The following TXNRD3 variants were observed in gnomAD, a reference collection of about 807,000 sequenced individuals.
The protein encoded by TXNRD3 is TXNRD3 neighbor gene protein.
A neutral mutation model predicts 78.2 loss-of-function variants in TXNRD3; 68 were observed. That is an observed-to-expected ratio of 0.87 (90% CI 0.72 to 1.06). The LOEUF is 1.06. Ranked by LOEUF, TXNRD3 falls within the 50% of genes least tolerant of loss-of-function variation. The pLI is 0.00. For missense variants in TXNRD3, 751 were observed against 809.5 expected (o/e 0.93, Z 0.88); for synonymous variants, 296 against 300.1 (o/e 0.99, Z 0.14).
intron 6 of TXNRD3, 55 bp downstream of exon 6, chr3:126,641,976 CT>C (rs1026476937): frequency 6.9e-7 from 1 of 1,459,258 alleles, no homozygotes; most frequent in African/African-American, 1.4e-5. Flanking sequence ...AAGTCTTTAT[CT>C]AAAAAACTCA....
intron 6 of TXNRD3, among the ~76,000 whole-genome samples, chr3:126,635,384 C>T (rs578138705): frequency 2.0e-4 from 31 of 152,244 alleles, no homozygotes; most frequent in African/African-American, 7.0e-4. Context: ...AGAACCTGTA[C>T]AGTTAAAAAG....
In TXNRD3 at chr3:126,615,467, A is replaced by C; in HGVS notation, c.1525-5T>G. The C allele has an allele frequency of 7.2e-7, 1 of 1,392,756 alleles. No homozygotes were observed. Among genetic ancestry groups the C allele is most frequent in the Non-Finnish European group, 9.6e-7 (1 of 1,042,686 alleles). The allele number at this position is 1,392,756 out of a possible 1,614,324, so 86.3% of individuals were successfully genotyped here. On this transcript the variant is annotated splice_polypyrimidine_tract_variant and splice_region_variant and intron_variant, in intron 12 of 15. Coordinates refer to ENST00000524230, the MANE Select transcript of TXNRD3 (RefSeq NM_052883.3). ...CGGAACATTAATATAATCACACTGA[A>C]AGACAAACAAATTACATTGTCTTAT...
chr3:126,607,227 T>C lies in TXNRD3; in HGVS notation c.*678A>G, dbSNP rs1319129553. On this transcript the variant is annotated 3_prime_UTR_variant, in exon 16 of 16. Coordinates refer to ENST00000524230, the MANE Select transcript of TXNRD3 (RefSeq NM_052883.3). ...TTTTATCTTACATGAGATATTTTGCTCAGTCTCGAGATATTAATTAGGGGA... is the reference window on the plus strand; with the variant it reads ...TTTTATCTTACATGAGATATTTTGCCCAGTCTCGAGATATTAATTAGGGGA... 2 of 152,214 alleles carry C rather than the reference T, an allele frequency of 1.3e-5. No individual in the cohort carries two copies. The highest frequency in any genetic ancestry group is 6.5e-5 in the Admixed American group (1 of 15,276). 9.4% of individuals were successfully genotyped at this position (152,214 alleles called of 1,614,324 possible). A position where few individuals can be genotyped will look rare whatever the true frequency, so the allele number is the denominator to read the frequency against.
chr3:126,643,832 C>A, intron 5 of TXNRD3, 149 bp downstream of exon 5: 1 of 650,838 alleles, frequency 1.5e-6, no homozygotes, highest in Admixed American at 3.7e-5. Flanking sequence ...AGGCATGAGC[C>A]TCTGGGCCAG....
At chr3:126,629,505 A>G (rs2107618204) in intron 9 of TXNRD3, 34 bp from the exon 10 acceptor site, 1 of 1,468,144 alleles carries the variant, frequency 6.8e-7, no homozygotes, top group East Asian at 2.5e-5. Context: ...GATGTTATCT[A>G]AATATGATAA....
At chr3:126,636,747 T>C (rs970786582) in intron 6 of TXNRD3, among the ~76,000 whole-genome samples, 1 of 152,186 alleles carries the variant, frequency 6.6e-6, no homozygotes, top group Non-Finnish European at 1.5e-5. Flanking sequence ...TATCTTTCTG[T>C]ATCATGGTTA....
chr3:126,608,223 T>C (rs1379471480), intron 15 of TXNRD3, among the ~76,000 whole-genome samples: 1 of 152,026 alleles, frequency 6.6e-6, no homozygotes, highest in South Asian at 2.1e-4. Context: ...TAGCCAGGCA[T>C]GGTGGTGCAC....
intron 6 of TXNRD3, among the ~76,000 whole-genome samples, chr3:126,641,669 C>G (rs1933092152): frequency 6.6e-6 from 1 of 152,052 alleles, no homozygotes; most frequent in African/African-American, 2.4e-5. Context: ...TTTCATTAAC[C>G]AAAGATATAT....
chr3:126,640,286 TTTA>T (rs1559778045), intron 6 of TXNRD3, among the ~76,000 whole-genome samples: 1 of 45,144 alleles, frequency 2.2e-5, no homozygotes, highest in Admixed American at 3.0e-4. Flanking sequence ...TTGTATTTTT[TTTA>T]GTAGAGACGG....
intron 4 of TXNRD3, 79 bp downstream of exon 4, chr3:126,644,217 GT>G (rs886423805): frequency 8.4e-5 from 114 of 1,354,486 alleles, no homozygotes; most frequent in Middle Eastern, 1.8e-4. Flanking sequence ...ACATTAGTTT[GT>G]TTTTTTTTAA....
At chr3:126,642,335 A>G (rs1212282184) in intron 5 of TXNRD3, among the ~76,000 whole-genome samples, 184 bp from the exon 6 acceptor site, 1 of 152,248 alleles carries the variant, frequency 6.6e-6, no homozygotes, top group East Asian at 1.9e-4. Flanking sequence ...AGAGACCCAA[A>G]GATGAGTAAA....
Position 126,621,915 on chromosome 3 carries a change from T to A in TXNRD3, c.1368-17A>T, listed in dbSNP as rs1040059504. 9 of 1,486,304 alleles carry A rather than the reference T, an allele frequency of 6.1e-6. No individual in the cohort carries two copies. The African/African-American group carries it at 1.1e-4, about 19-fold the overall frequency. 92.1% of individuals were successfully genotyped at this position (1,486,304 alleles called of 1,614,324 possible). A position where few individuals can be genotyped will look rare whatever the true frequency, so the allele number is the denominator to read the frequency against. On this transcript the variant is annotated splice_polypyrimidine_tract_variant and intron_variant, in intron 11 of 15. Transcript: ENST00000524230. ...TTTCCACTCCTATTAGTTTTTGAAATGGGAAAAAATATATATTACAACTCA... is the reference window on the plus strand; with the variant it reads ...TTTCCACTCCTATTAGTTTTTGAAAAGGGAAAAAATATATATTACAACTCA...
At chr3:126,622,100 C>T (rs1938471386) in intron 11 of TXNRD3, among the ~76,000 whole-genome samples, 1 of 152,124 alleles carries the variant, frequency 6.6e-6, no homozygotes, top group East Asian at 1.9e-4. Flanking sequence ...CTGGTGAAAC[C>T]ACAGGCATTT....
At chr3:126,610,490 G>C (rs545964611) in intron 14 of TXNRD3, among the ~76,000 whole-genome samples, 1 of 152,270 alleles carries the variant, frequency 6.6e-6, no homozygotes, top group Non-Finnish European at 1.5e-5. Flanking sequence ...CTCCAATAAT[G>C]GGCTGCTGCT....
At chr3:126,628,572 G>T (rs774005943) in intron 10 of TXNRD3, among the ~76,000 whole-genome samples, 5 of 151,928 alleles carry the variant, frequency 3.3e-5, no homozygotes, top group Non-Finnish European at 7.4e-5. Flanking sequence ...TACCATTTGT[G>T]ACTACATATA....
chr3:126,622,546 T>C lies in TXNRD3; in HGVS notation c.1291-6A>G, dbSNP rs1379032238. ...CGACCAATAGCTAACAAAACCTGCATTTGCAGAGAAATCAAAAACACAAAT... is the reference window on the plus strand; with the variant it reads ...CGACCAATAGCTAACAAAACCTGCACTTGCAGAGAAATCAAAAACACAAAT... On this transcript the variant is annotated splice_polypyrimidine_tract_variant and splice_region_variant and intron_variant, in intron 10 of 15. Coordinates refer to ENST00000524230, the MANE Select transcript of TXNRD3 (RefSeq NM_052883.3). The C allele has an allele frequency of 3.3e-6, 5 of 1,531,658 alleles. No individual in the cohort carries two copies. The Admixed American group carries it at 8.0e-5, about 25-fold the overall frequency. 94.9% of individuals were successfully genotyped at this position (1,531,658 alleles called of 1,614,324 possible).
chr3:126,628,190 G>A (rs879561087), intron 10 of TXNRD3, among the ~76,000 whole-genome samples: 8 of 152,042 alleles, frequency 5.3e-5, no homozygotes, highest in South Asian at 2.1e-4. Context: ...AATAGAAAAC[G>A]AGCTCCTTAA....
intron 14 of TXNRD3, among the ~76,000 whole-genome samples, chr3:126,610,466 G>A (rs1938174393): frequency 6.6e-6 from 1 of 152,160 alleles, no homozygotes; most frequent in Non-Finnish European, 1.5e-5. Context: ...CCTCATAACT[G>A]GGAGGAGGAA....
At chr3:126,614,740 C>A (rs1361629904) in intron 13 of TXNRD3, among the ~76,000 whole-genome samples, 2 of 152,100 alleles carry the variant, frequency 1.3e-5, no homozygotes, top group Non-Finnish European at 2.9e-5. Flanking sequence ...TTAAATCATA[C>A]AATCAAGGGA....
Sources: allele counts gnomAD v4.1 joint callset (sites outside exome capture counted in the v4.1 genomes callset), GRCh38; gene constraint gnomAD v4.1.1; transcripts MANE v1.5; gene names NCBI Gene and HGNC (gene_info 2026-07-23, HGNC 2026-07-21).